Variants in MALRD1 observed in about 807,000 individuals in gnomAD.
MALRD1 encodes MAM and LDL receptor class A domain containing 1.
Under a neutral mutation model 242.1 loss-of-function variants are expected in MALRD1, and 247 were observed. The observed-to-expected ratio is 1.02, with a 90% CI of 0.92 to 1.13. The LOEUF is 1.13. MALRD1 is among the 50% of genes most tolerant of loss of function. MALRD1 has a pLI of 0.00. For missense variants in MALRD1, 2,989 were observed against 2,533.1 expected, an observed-to-expected ratio of 1.18 and a Z score of -3.86; for synonymous variants, 995 against 866.6, an observed-to-expected ratio of 1.15 and a Z score of -2.60.
At chr10:19,460,377 C>T (rs1835880919) in intron 29 of MALRD1, among the ~76,000 whole-genome samples, 1 of 151,716 alleles carries the variant, frequency 6.6e-6, no homozygotes, top group Non-Finnish European at 1.5e-5. Context: ...AATATTAAGC[C>T]AGGACTAGAA....
At chr10:19,668,313 T>C (rs540736780) in intron 36 of MALRD1, among the ~76,000 whole-genome samples, 1 of 152,088 alleles carries the variant, frequency 6.6e-6, no homozygotes, top group Admixed American at 6.5e-5. Flanking sequence ...TATTTCTCAA[T>C]GGGGAGGCAA....
chr10:19,361,434 A>G (rs1325505709), intron 26 of MALRD1, among the ~76,000 whole-genome samples: 1 of 152,146 alleles, frequency 6.6e-6, no homozygotes, highest in Non-Finnish European at 1.5e-5. Context: ...ATATCAGCCT[A>G]CGATTTCTTA....
chr10:19,140,678 A>T (rs1564418349), intron 10 of MALRD1, among the ~76,000 whole-genome samples: 1 of 152,250 alleles, frequency 6.6e-6, no homozygotes, highest in East Asian at 1.9e-4. Context: ...GCAAAGTGAA[A>T]TAACCCAGAC....
rs563437631 is a variant in MALRD1, at chr10:19,325,968, T to C, written c.3577-1595T>C. Among the ~76,000 whole-genome samples the C allele has an allele frequency of 3.0e-4, 45 of 152,258 alleles. 1 individual carries two copies. The South Asian group carries it at 8.3e-3, about 28-fold the overall frequency. On this transcript the variant is annotated intron_variant, in intron 22 of 39. Transcript: ENST00000454679. ...GGATTTTCCTGGCTATTGTTATTCA[T>C]TTTTCTAAAGAAACTTGAGATAAAC...
intron 29 of MALRD1, among the ~76,000 whole-genome samples, chr10:19,454,423 T>TATATATATATATATATAA (rs1835516488): frequency 7.1e-6 from 1 of 140,686 alleles, no homozygotes; most frequent in Non-Finnish European, 1.5e-5. Context: ...TATATATATA[T>TATATATATATATATATAA]ATATATATAA....
chr10:19,236,553 C>A (rs1838324731), intron 18 of MALRD1, among the ~76,000 whole-genome samples: 1 of 152,258 alleles, frequency 6.6e-6, no homozygotes. Flanking sequence ...TTCCCTCATT[C>A]CTCTGCCTCT....
At chr10:19,577,821 C>A (rs1423311472) in intron 33 of MALRD1, among the ~76,000 whole-genome samples, 1 of 151,970 alleles carries the variant, frequency 6.6e-6, no homozygotes, top group African/African-American at 2.4e-5. Flanking sequence ...AAACAATAAT[C>A]AATTCCTAAA....
At chr10:19,528,738 G>C (rs1054871843) in intron 31 of MALRD1, among the ~76,000 whole-genome samples, 2 of 152,214 alleles carry the variant, frequency 1.3e-5, no homozygotes, top group East Asian at 3.9e-4. Flanking sequence ...TTCCAGTCCA[G>C]CATGTAAGGA....
At chr10:19,066,910 C>T (rs1834998141) in intron 2 of MALRD1, 51 bp downstream of exon 2, 6 of 1,197,726 alleles carry the variant, frequency 5.0e-6, no homozygotes, top group Non-Finnish European at 6.3e-6. Context: ...TCCTTTCCTT[C>T]CTTCCCTCCC....
chr10:19,321,561 C>T (rs1842916290), intron 21 of MALRD1, among the ~76,000 whole-genome samples: 1 of 152,110 alleles, frequency 6.6e-6, no homozygotes, highest in Non-Finnish European at 1.5e-5. Flanking sequence ...TTAACTAAAT[C>T]ATAAAGATCT....
intron 14 of MALRD1, among the ~76,000 whole-genome samples, chr10:19,189,120 G>C (rs1486441908): frequency 2.0e-5 from 3 of 151,640 alleles, no homozygotes; most frequent in African/African-American, 7.3e-5. Flanking sequence ...ATAAAAGTGG[G>C]GACATTGCTT....
At chr10:19,584,901 G>T (rs1243086279) in intron 33 of MALRD1, among the ~76,000 whole-genome samples, 3 of 151,770 alleles carry the variant, frequency 2.0e-5, no homozygotes, top group East Asian at 1.9e-4. Flanking sequence ...TTATGAATCT[G>T]GGTGCTCCTG....
chr10:19,070,007 A>G (rs1412600262), intron 2 of MALRD1, among the ~76,000 whole-genome samples: 1 of 152,078 alleles, frequency 6.6e-6, no homozygotes, highest in Non-Finnish European at 1.5e-5. Flanking sequence ...CTGTAAGTCT[A>G]ACATGCTGTT....
intron 21 of MALRD1, among the ~76,000 whole-genome samples, chr10:19,313,174 C>G (rs1009204674): frequency 6.6e-6 from 1 of 151,432 alleles, no homozygotes; most frequent in Non-Finnish European, 1.5e-5. Flanking sequence ...ATCCTGGCTT[C>G]AGCACTCACC....
intron 12 of MALRD1, among the ~76,000 whole-genome samples, chr10:19,165,265 A>ATTTTTTTTTTTT (rs1456757761): frequency 2.3e-5 from 3 of 130,284 alleles, no homozygotes; most frequent in African/African-American, 9.7e-5. Context: ...ATATATATAT[A>ATTTTTTTTTTTT]TTTTGTTTTG....
At chr10:19,393,538 C>T (rs1056831895) in intron 28 of MALRD1, among the ~76,000 whole-genome samples, 20 of 149,372 alleles carry the variant, frequency 1.3e-4, no homozygotes, top group Non-Finnish European at 2.5e-4. Flanking sequence ...CTCCGTCTCC[C>T]GGGTTCATGC....
At chr10:19,687,967 TG>T (rs1842659502) in intron 36 of MALRD1, among the ~76,000 whole-genome samples, 1 of 133,996 alleles carries the variant, frequency 7.5e-6, no homozygotes, top group East Asian at 2.0e-4. Flanking sequence ...TGTTATGTTA[TG>T]TTATGTTATG....
intron 28 of MALRD1, among the ~76,000 whole-genome samples, chr10:19,426,049 T>C (rs560850243): frequency 6.6e-6 from 1 of 152,330 alleles, no homozygotes; most frequent in Non-Finnish European, 1.5e-5. Context: ...TTATTATTTA[T>C]ATTTTAGAAA....
At chr10:19,172,400 T>C (rs1412045809) in intron 13 of MALRD1, among the ~76,000 whole-genome samples, 1 of 151,660 alleles carries the variant, frequency 6.6e-6, no homozygotes, top group Admixed American at 6.6e-5. Flanking sequence ...ATTGTATAAT[T>C]ATGAATTTAA....
Sources: gnomAD v4.1 joint callset for allele counts (sites outside exome capture counted in the v4.1 genomes callset) on GRCh38, gnomAD v4.1.1 for gene constraint, MANE v1.5 for transcripts, NCBI Gene and HGNC (gene_info 2026-07-23, HGNC 2026-07-21) for gene names.